B3GLCT: variants seen among roughly 807,000 people sequenced by gnomAD.
The protein encoded by B3GLCT is beta 3-glucosyltransferase, also known as beta-1,3-glucosyltransferase.
In B3GLCT, 65 loss-of-function variants were observed where a neutral mutation model predicts 63.4. The observed-to-expected ratio is 1.03, with a 90% confidence interval of 0.84 to 1.26. The LOEUF (loss-of-function observed/expected upper bound fraction) is 1.26, where lower values mean the gene tolerates loss of function less well. Ranked by LOEUF, B3GLCT falls within the 50% of genes most tolerant of loss-of-function variation. The pLI is 0.00. For synonymous variants in B3GLCT, 233 were observed against 219.2 expected, an observed-to-expected ratio of 1.06 and a Z score of -0.55; for missense variants, 577 against 604.8, an observed-to-expected ratio of 0.95 and a Z score of 0.48.
rs371245933 is a variant in B3GLCT, at chr13:31,277,609, G to A, written c.850+838G>A. 2.5e-4 allele frequency among the ~76,000 whole-genome samples: 38 copies of A among 152,052 alleles called. No homozygotes were observed. In the East Asian group the frequency reaches 7.1e-3, roughly 29 times the overall value. On this transcript the variant is annotated intron_variant, in intron 10 of 14. Transcript: ENST00000343307. ...TTCTAAACCAACTGTCATTTTCATG[G>A]GATTGGAACTACTGAAGAAGTTCAT...
intron 14 of B3GLCT, 149 bp downstream of exon 14, chr13:31,324,044 G>C (rs1875479905): frequency 9.2e-7 from 1 of 1,083,286 alleles, no homozygotes; most frequent in Non-Finnish European, 1.4e-6. Context: ...AACCAGGACT[G>C]TTACCCTGTT....
At chr13:31,288,060 A>G (rs1873437097) in intron 12 of B3GLCT, among the ~76,000 whole-genome samples, 1 of 152,236 alleles carries the variant, frequency 6.6e-6, no homozygotes, top group Admixed American at 6.5e-5. Flanking sequence ...GAGAAGGAGC[A>G]CATAATTATT....
At chr13:31,279,519 A>G (rs1872958322) in intron 10 of B3GLCT, among the ~76,000 whole-genome samples, 1 of 152,054 alleles carries the variant, frequency 6.6e-6, no homozygotes, top group Non-Finnish European at 1.5e-5. Context: ...TTTATTAGTG[A>G]TTTTCAAAAG....
In B3GLCT at chr13:31,213,483, G is replaced by A. The variant is rs551639346; in HGVS notation, c.71-1568G>A. ...CACATGCCTGTAGTCCCAGCTACTCGGGAGGCTGAGGTGGGAGGATCATGA... is the reference window on the plus strand; with the variant it reads ...CACATGCCTGTAGTCCCAGCTACTCAGGAGGCTGAGGTGGGAGGATCATGA... On this transcript the variant is annotated intron_variant, in intron 1 of 14. Coordinates refer to ENST00000343307, the MANE Select transcript of B3GLCT (RefSeq NM_194318.4). Among the ~76,000 whole-genome samples, 115 of 152,128 alleles carry A rather than the reference G, an allele frequency of 7.6e-4. 1 individual carries two copies. Among genetic ancestry groups the A allele is most frequent in the African/African-American group, 2.4e-3 (98 of 41,510 alleles).
chr13:31,255,476 A>AAG (rs989448271), intron 6 of B3GLCT, among the ~76,000 whole-genome samples: 51 of 152,342 alleles, frequency 3.3e-4, no homozygotes, highest in African/African-American at 1.2e-3. Context: ...GGAATAAAAA[A>AAG]AGAGTCCACA....
chr13:31,246,970 T>TTTTTTTTTTTTTTTTTTA, intron 4 of B3GLCT, 53 bp from the exon 5 acceptor site: 1 of 1,192,188 alleles, frequency 8.4e-7, no homozygotes. Flanking sequence ...TTTTTTTACT[T>TTTTTTTTTTTTTTTTTTA]TTTTTCGGAG....
chr13:31,295,985 C>T (rs1029270963), intron 12 of B3GLCT, among the ~76,000 whole-genome samples: 2 of 152,176 alleles, frequency 1.3e-5, no homozygotes, highest in African/African-American at 4.8e-5. Context: ...TTGTGAAGAC[C>T]GTGGGACAAG....
chr13:31,283,868 G>GA (rs1873188466), intron 10 of B3GLCT, among the ~76,000 whole-genome samples: 1 of 152,010 alleles, frequency 6.6e-6, no homozygotes, highest in Admixed American at 6.5e-5. Flanking sequence ...TTTTTCTATT[G>GA]AAAAAACAAG....
chr13:31,225,186 G>A lies in B3GLCT; in HGVS notation c.160+2195G>A, dbSNP rs908961573. ...GGCCCATTTATTGCCCATTCCTGGG[G>A]GAGAAACAATGACAATCCATCTTGA... On this transcript the variant is annotated intron_variant, in intron 3 of 14. Coordinates refer to ENST00000343307, the MANE Select transcript of B3GLCT (RefSeq NM_194318.4). 2.6e-5 allele frequency among the ~76,000 whole-genome samples: 4 copies of A among 152,190 alleles called. No homozygotes were observed. In the East Asian group the frequency reaches 7.7e-4, roughly 29 times the overall value.
intron 11 of B3GLCT, among the ~76,000 whole-genome samples, chr13:31,286,124 A>G (rs1873318659): frequency 6.6e-6 from 1 of 152,194 alleles, no homozygotes; most frequent in Non-Finnish European, 1.5e-5. Context: ...TTTGTCCAGC[A>G]TTTACCATTA....
rs186623606 is a variant in B3GLCT at position 31,288,783 on chromosome 13, A to G, written c.1064+1964A>G. Among the ~76,000 whole-genome samples, 11 of 152,312 alleles carry G rather than the reference A, an allele frequency of 7.2e-5. No homozygotes were observed. The East Asian group carries it at 1.4e-3, about 19-fold the overall frequency. ...ACAAAAGCAATTTTTAAAAATTGGA[A>G]CAACAATACCAGATATGCAGATATC... On this transcript the variant is annotated intron_variant, in intron 12 of 14. Coordinates refer to ENST00000343307, the MANE Select transcript of B3GLCT (RefSeq NM_194318.4).
At chr13:31,277,616 A>T (rs1215971778) in intron 10 of B3GLCT, among the ~76,000 whole-genome samples, 6 of 152,152 alleles carry the variant, frequency 3.9e-5, no homozygotes, top group Non-Finnish European at 7.4e-5. Context: ...ATGGGATTGG[A>T]ACTACTGAAG....
chr13:31,283,992 C>T (rs1226018935), intron 10 of B3GLCT, among the ~76,000 whole-genome samples: 1 of 152,154 alleles, frequency 6.6e-6, no homozygotes, highest in Non-Finnish European at 1.5e-5. Flanking sequence ...GTCTATATGT[C>T]AGGTATGCAG....
intron 12 of B3GLCT, among the ~76,000 whole-genome samples, chr13:31,296,731 C>T (rs762255744): frequency 5.9e-4 from 90 of 151,980 alleles, no homozygotes; most frequent in Non-Finnish European, 1.1e-3. Context: ...TCTGGTTCAT[C>T]CACCATATGT....
chr13:31,226,003 C>T (rs1192904886), intron 3 of B3GLCT, among the ~76,000 whole-genome samples: 1 of 152,204 alleles, frequency 6.6e-6, no homozygotes, highest in Non-Finnish European at 1.5e-5. Context: ...CAGACATGGT[C>T]GTTCACTCAG....
intron 1 of B3GLCT, among the ~76,000 whole-genome samples, chr13:31,213,529 G>A (rs1404405697): frequency 3.3e-5 from 5 of 151,608 alleles, no homozygotes; most frequent in African/African-American, 1.2e-4. Flanking sequence ...GAAGGTTGCA[G>A]TGAGCTGAGA....
intron 9 of B3GLCT, among the ~76,000 whole-genome samples, chr13:31,274,994 G>GC (rs1872717697): frequency 6.6e-6 from 1 of 152,096 alleles, no homozygotes; most frequent in Non-Finnish European, 1.5e-5. Context: ...TAGGATAATG[G>GC]CCCCCAGCTG....
In B3GLCT at chr13:31,200,215, C is replaced by A; in HGVS notation, c.70+61C>A. The A allele has an allele frequency of 3.7e-6, 4 of 1,084,780 alleles. No individual in the cohort carries two copies. The South Asian group carries it at 1.2e-4, about 32-fold the overall frequency. The allele number at this position is 1,084,780 out of a possible 1,614,324, so 67.2% of individuals were successfully genotyped here. On this transcript the variant is annotated intron_variant, in intron 1 of 14. Transcript: ENST00000343307. The stretch of plus-strand genomic sequence containing the variant: ...CGTGGGGTTCGCGGGCACAGTCGCC[C>A]GTGCCCCGGTCGGCGCGGGGAGGGA...
intron 9 of B3GLCT, among the ~76,000 whole-genome samples, chr13:31,276,006 A>T (rs546173019): frequency 1.3e-5 from 2 of 152,272 alleles, no homozygotes; most frequent in East Asian, 3.9e-4. Context: ...ATTAACTATG[A>T]TTGCAGGCCT....
Sources: allele counts gnomAD v4.1 joint callset (sites outside exome capture counted in the v4.1 genomes callset), GRCh38; gene constraint gnomAD v4.1.1; transcripts MANE v1.5; gene names NCBI Gene and HGNC (gene_info 2026-07-23, HGNC 2026-07-21).